Variants in AJM1 observed in about 807,000 individuals in gnomAD.
AJM1 encodes uncharacterized protein C9orf172.
AJM1 carries 22 observed loss-of-function variants against 43.0 expected under a neutral mutation model. The ratio of observed to expected loss-of-function variants is 0.51; its 90% CI spans 0.37 to 0.73. AJM1 has a LOEUF of 0.73. AJM1 is among the 30% of genes least tolerant of loss of function. AJM1 has a pLI of 0.00. For synonymous variants in AJM1, 719 were observed against 638.3 expected, an observed-to-expected ratio of 1.13 and a Z score of -1.91; for missense variants, 1,305 against 1,343.3, an observed-to-expected ratio of 0.97 and a Z score of 0.45.
At position 136,845,242 on chromosome 9, in the gene AJM1, G is replaced by A. The variant is rs1401953894; in HGVS notation, c.828G>A (p.Pro276=). ...ERRSLPFTTP[P]GPTQFFYTEE... ...GCAGTCTGCCCTTCACCACCCCGCC[G>A]GGCCCCACCCAGTTCTTCTATACAG... Residue 276 remains proline (P), a synonymous_variant, in exon 3 of 3, where the codon CCG becomes CCA. Transcript: ENST00000436881. 15 of 1,600,124 alleles carry A rather than the reference G, an allele frequency of 9.4e-6. No individual in the cohort carries two copies. The African/African-American group carries it at 1.1e-4, about 11-fold the overall frequency.
chr9:136,845,162 C>G lies in AJM1; in HGVS notation c.748C>G (p.Arg250Gly), dbSNP rs775674999. The G allele has an allele frequency of 5.0e-6, 8 of 1,585,856 alleles. No homozygotes were observed. In the South Asian group the frequency reaches 8.9e-5, roughly 18 times the overall value. Reference sequence around the variant, plus strand: ...CAGCGACTCATACTGTGCGGATCCCCGGGCGTTCTACTGCGACGGGCCCCT... The same window carrying G: ...CAGCGACTCATACTGTGCGGATCCCGGGGCGTTCTACTGCGACGGGCCCCT... ...TPSDSYCADP[R>G]AFYCDGPLPG... The change falls in exon 3 of 3, where the codon CGG becomes GGG. Residue 250 changes from arginine to glycine, a missense_variant. Physicochemically the swap from Arg to Gly is moderately radical, Grantham distance 125. This residue lies in a region of AJM1 where 653 missense variants were observed against 549.1 expected (regional missense o/e 1.19). Coordinates refer to ENST00000436881, the MANE Select transcript of AJM1 (RefSeq NM_001080482.5).
In AJM1 at chr9:136,846,637, T is replaced by G; in HGVS notation, c.2223T>G (p.Arg741=). Residue 741 remains arginine (R), a synonymous_variant, in exon 3 of 3, where the codon CGT becomes CGG. Transcript: ENST00000436881. The part of the protein sequence containing the change: ...PVHRAFSRIA[R]VGFLSRGRGV... ...ACCGCGCTTTCTCGCGCATCGCGCGTGTCGGCTTCCTGTCGCGCGGCCGCG... is the reference window on the plus strand; with the variant it reads ...ACCGCGCTTTCTCGCGCATCGCGCGGGTCGGCTTCCTGTCGCGCGGCCGCG... 6.3e-7 allele frequency: 1 copy of G among 1,597,576 alleles called. No homozygotes were observed. Among genetic ancestry groups the G allele is most frequent in the Non-Finnish European group, 8.5e-7 (1 of 1,177,278 alleles).
Position 136,846,296 on chromosome 9 carries a change from C to A in AJM1, c.1882C>A (p.Pro628Thr), listed in dbSNP as rs1371285375. ...GGGCTCCGGGGCCCCCGCGCTGGCGCCGCCACGCTCGCCCCCCGCCTCGGC... is the reference window on the plus strand; with the variant it reads ...GGGCTCCGGGGCCCCCGCGCTGGCGACGCCACGCTCGCCCCCCGCCTCGGC... ...PAGSGAPALA[P>T]PRSPPASAGS... The change falls in exon 3 of 3, where the codon CCG (proline) becomes ACG (threonine). Residue 628 changes from proline (P) to threonine (T), a missense_variant. Physicochemically the swap from Pro to Thr is conservative, Grantham distance 38. Transcript: ENST00000436881. 1 of 1,173,302 alleles carries A rather than the reference C, an allele frequency of 8.5e-7. No individual in the cohort carries two copies. Among genetic ancestry groups the A allele is most frequent in the Non-Finnish European group, 1.1e-6 (1 of 936,244 alleles). 72.7% of individuals were successfully genotyped at this position (1,173,302 alleles called of 1,614,324 possible).
In AJM1 at chr9:136,846,540, G is replaced by A. The variant is rs1276043391; in HGVS notation, c.2126G>A (p.Arg709His). ...RREDWDAHKA[R>H]CVYGRVGSVC... ...GAGGACTGGGACGCCCACAAGGCGC[G>A]CTGCGTGTACGGCCGCGTGGGCAGC... The change falls in exon 3 of 3, where the codon CGC (arginine) becomes CAC (histidine). Residue 709 changes from arginine to histidine, a missense_variant. By Grantham distance (29) the Arg-to-His change is conservative. Transcript: ENST00000436881. 3 of 1,595,384 alleles carry A rather than the reference G, an allele frequency of 1.9e-6. No individual in the cohort carries two copies. The highest frequency in any genetic ancestry group is 1.3e-5 in the African/African-American group (1 of 74,880).
In AJM1 at chr9:136,845,386, C is replaced by T. The variant is rs762603558; in HGVS notation, c.972C>T (p.Gly324=). The T allele has an allele frequency of 6.2e-7, 1 of 1,612,392 alleles. No homozygotes were observed. The highest frequency in any genetic ancestry group is 2.2e-5 in the East Asian group (1 of 44,868). ...CGGGGCCCAGTCCAAGGCGCATGGG[C>T]GGCTACTACGCAGGAGAGGTGCGCA... ...ELSGPSPRRM[G]GYYAGEVRTF... Residue 324 remains glycine (G), a synonymous_variant, in exon 3 of 3, where the codon GGC becomes GGT. Transcript: ENST00000436881.
Position 136,845,364 on chromosome 9 carries a change from G to C in AJM1, c.950G>C (p.Gly317Ala). ...PRPYPSEELSGPSPRRMGGYY... is the reference protein window; with the variant it reads ...PRPYPSEELSAPSPRRMGGYY... ...CCCTATCCGTCCGAGGAGCTCTCGGGGCCCAGTCCAAGGCGCATGGGCGGC... is the reference window on the plus strand; with the variant it reads ...CCCTATCCGTCCGAGGAGCTCTCGGCGCCCAGTCCAAGGCGCATGGGCGGC... Residue 317 changes from glycine (G) to alanine (A), a missense_variant, in exon 3 of 3, where the codon GGG becomes GCG. Physicochemically the swap from Gly to Ala is moderately conservative, Grantham distance 60. Around this residue, in one of 6 missense-constraint regions of AJM1, gnomAD observed 653 missense variants for 549.1 expected, o/e 1.19. Transcript: ENST00000436881. 6.2e-7 allele frequency: 1 copy of C among 1,612,372 alleles called. No homozygotes were observed. The highest frequency in any genetic ancestry group is 8.5e-7 in the Non-Finnish European group (1 of 1,179,814).
chr9:136,847,359 C>A lies in AJM1; in HGVS notation c.*14C>A. On this transcript the variant is annotated 3_prime_UTR_variant, in exon 3 of 3. Coordinates refer to ENST00000436881, the MANE Select transcript of AJM1 (RefSeq NM_001080482.5). ...GACATCATGTGAGGCGCCGGGCCCA[C>A]CAGGCCTAGCCCAGGCGCTGGCCCG... 6.7e-7 allele frequency: 1 copy of A among 1,490,726 alleles called. No individual in the cohort carries two copies. The highest frequency in any genetic ancestry group is 8.9e-7 in the Non-Finnish European group (1 of 1,121,788). The allele number at this position is 1,490,726 out of a possible 1,614,324, so 92.3% of individuals were successfully genotyped here. A position where few individuals can be genotyped will look rare whatever the true frequency, so the allele number is the denominator to read the frequency against.
chr9:136,846,925 A>T lies in AJM1; in HGVS notation c.2511A>T (p.Pro837=). 1 of 1,436,720 alleles carries T rather than the reference A, an allele frequency of 7.0e-7. No individual in the cohort carries two copies. Among genetic ancestry groups the T allele is most frequent in the Non-Finnish European group, 9.2e-7 (1 of 1,092,568 alleles). 89.0% of individuals were successfully genotyped at this position (1,436,720 alleles called of 1,614,324 possible). A position where few individuals can be genotyped will look rare whatever the true frequency, so the allele number is the denominator to read the frequency against. The change falls in exon 3 of 3, where the codon CCA becomes CCT. Residue 837 remains proline (P), a synonymous_variant. Transcript: ENST00000436881. ...PGTPALPAPA[P]RSHGPTVRKF... is the part of the protein sequence containing the mutation. ...CACCGGCCCTGCCCGCGCCCGCGCC[A>T]CGCAGCCACGGGCCAACAGTGCGCA...
In AJM1 at chr9:136,844,977, T is replaced by G; in HGVS notation, c.563T>G (p.Leu188Arg). 1 of 584,366 alleles carries G rather than the reference T, an allele frequency of 1.7e-6. No individual in the cohort carries two copies. The highest frequency in any genetic ancestry group is 3.0e-6 in the Non-Finnish European group (1 of 337,736). The allele number at this position is 584,366 out of a possible 1,614,324, so 36.2% of individuals were successfully genotyped here. A position where few individuals can be genotyped will look rare whatever the true frequency, so the allele number is the denominator to read the frequency against. ...CCCGCCCCCCACGTGCGCTGCCGCC[T>G]GGACATCAAGCCAGACGACGCAGTG... ...AGPAPHVRCR[L>R]DIKPDDAVLQ... The change falls in exon 3 of 3, where the codon CTG (leucine) becomes CGG (arginine). Residue 188 changes from leucine to arginine, a missense_variant. Transcript: ENST00000436881.
chr9:136,845,373 C>G lies in AJM1; in HGVS notation c.959C>G (p.Pro320Arg), dbSNP rs771419371. 2 of 1,612,330 alleles carry G rather than the reference C, an allele frequency of 1.2e-6. No individual in the cohort carries two copies. The highest frequency in any genetic ancestry group is 4.5e-5 in the East Asian group (2 of 44,882). ...TCCGAGGAGCTCTCGGGGCCCAGTC[C>G]AAGGCGCATGGGCGGCTACTACGCA... Reference protein sequence around the residue: ...YPSEELSGPSPRRMGGYYAGE... With the variant: ...YPSEELSGPSRRRMGGYYAGE... The change falls in exon 3 of 3, where the codon CCA becomes CGA. Residue 320 changes from proline to arginine, a missense_variant. Transcript: ENST00000436881.
intron 1 of AJM1, among the ~76,000 whole-genome samples, chr9:136,843,054 C>G (rs1226442720): frequency 6.7e-6 from 1 of 149,082 alleles, no homozygotes; most frequent in Non-Finnish European, 1.5e-5. Flanking sequence ...GCCTGGGACT[C>G]GTGGCCCTGA....
In AJM1 at chr9:136,847,253, G is replaced by A; in HGVS notation, c.2839G>A (p.Gly947Ser). Residue 947 changes from glycine (G) to serine (S), a missense_variant, in exon 3 of 3, where the codon GGC becomes AGC. Gly to Ser is a moderately conservative substitution (Grantham distance 56, BLOSUM62 0). Coordinates refer to ENST00000436881, the MANE Select transcript of AJM1 (RefSeq NM_001080482.5). ...TTIYPTDRRTGRPFMCMIMAA... is the reference protein window; with the variant it reads ...TTIYPTDRRTSRPFMCMIMAA... ...CATCTACCCCACGGACCGGCGCACCGGCCGCCCCTTCATGTGCATGATCAT... is the reference window on the plus strand; with the variant it reads ...CATCTACCCCACGGACCGGCGCACCAGCCGCCCCTTCATGTGCATGATCAT... 6.3e-7 allele frequency: 1 copy of A among 1,599,866 alleles called. No individual in the cohort carries two copies. The highest frequency in any genetic ancestry group is 8.5e-7 in the Non-Finnish European group (1 of 1,176,680).
Position 136,847,075 on chromosome 9 carries a change from C to A in AJM1, c.2661C>A (p.Asp887Glu). ...PPPGTAGLDQ[D>E]GEAGRRAREV... ...CGGGCACGGCGGGCCTGGATCAGGA[C>A]GGCGAGGCGGGCCGGCGCGCGCGCG... Residue 887 changes from aspartate to glutamate, a missense_variant, in exon 3 of 3, where the codon GAC becomes GAA. Transcript: ENST00000436881. 2 of 1,452,940 alleles carry A rather than the reference C, an allele frequency of 1.4e-6. No homozygotes were observed. Among genetic ancestry groups the A allele is most frequent in the South Asian group, 1.3e-5 (1 of 79,556 alleles). The allele number at this position is 1,452,940 out of a possible 1,614,324, so 90.0% of individuals were successfully genotyped here.
rs1300326965 is a variant in AJM1, at chr9:136,846,615, G to A, written c.2201G>A (p.Arg734His). 2 of 1,593,832 alleles carry A rather than the reference G, an allele frequency of 1.3e-6. No homozygotes were observed. Among genetic ancestry groups the A allele is most frequent in the Non-Finnish European group, 1.7e-6 (2 of 1,176,198 alleles). Residue 734 changes from arginine to histidine, a missense_variant, in exon 3 of 3, where the codon CGC (arginine) becomes CAC (histidine). By Grantham distance (29) the Arg-to-His change is conservative. Around this residue, in one of 6 missense-constraint regions of AJM1, gnomAD observed 391 missense variants for 507.5 expected, o/e 0.77. Transcript: ENST00000436881. ...TGCCGCGACAGCGGCCCGGTGCACC[G>A]CGCTTTCTCGCGCATCGCGCGTGTC... ...QFCRDSGPVHRAFSRIARVGF... is the reference protein window; with the variant it reads ...QFCRDSGPVHHAFSRIARVGF...
At position 136,847,545 on chromosome 9, in the gene AJM1, C is replaced by T. The variant is rs1029446530; in HGVS notation, c.*200C>T. The T allele has an allele frequency of 4.5e-5, 22 of 493,764 alleles. No individual in the cohort carries two copies. Among genetic ancestry groups the T allele is most frequent in the African/African-American group, 2.7e-4 (13 of 48,994 alleles). 30.6% of individuals were successfully genotyped at this position (493,764 alleles called of 1,614,324 possible). A position where few individuals can be genotyped will look rare whatever the true frequency, so the allele number is the denominator to read the frequency against. On this transcript the variant is annotated 3_prime_UTR_variant, in exon 3 of 3. Coordinates refer to ENST00000436881, the MANE Select transcript of AJM1 (RefSeq NM_001080482.5). ...CAGCTCCGCCCAGGCCCCCACCCCC[C>T]GGCCCTTCGTCCCCGTAGTGTTCCT... is the stretch of plus-strand genomic sequence containing the variant.
chr9:136,844,488 C>A lies in AJM1; in HGVS notation c.74C>A (p.Pro25His), dbSNP rs772787574. 10 of 1,611,100 alleles carry A rather than the reference C, an allele frequency of 6.2e-6. No individual in the cohort carries two copies. Among genetic ancestry groups the A allele is most frequent in the Non-Finnish European group, 8.5e-6 (10 of 1,179,166 alleles). The change falls in exon 3 of 3, where the codon CCC becomes CAC. Residue 25 changes from proline (P) to histidine (H), a missense_variant. By Grantham distance (77) the Pro-to-His change is moderately conservative. This residue lies in a region of AJM1 where 128 missense variants were observed against 120.6 expected (regional missense o/e 1.06). Transcript: ENST00000436881. Reference sequence around the variant, plus strand: ...GACATCAAGGTGGCGACCCCGGGACCCGCGTCCAAGTGCTCGCCATGTGAG... The same window carrying A: ...GACATCAAGGTGGCGACCCCGGGACACGCGTCCAAGTGCTCGCCATGTGAG... ...YQDIKVATPG[P>H]ASKCSPCERS... is the part of the protein sequence containing the mutation.
In AJM1 at chr9:136,845,885, C is replaced by T; in HGVS notation, c.1471C>T (p.Pro491Ser). ...CGTGTCCCCCGAAGGCCGGCGCCCGCCCGTCGTCGTGAACCTGTCCACCTC... is the reference window on the plus strand; with the variant it reads ...CGTGTCCCCCGAAGGCCGGCGCCCGTCCGTCGTCGTGAACCTGTCCACCTC... ...RGVSPEGRRP[P>S]VVVNLSTSPR... The change falls in exon 3 of 3, where the codon CCC becomes TCC. Residue 491 changes from proline to serine, a missense_variant. Pro to Ser is a moderately conservative substitution (Grantham distance 74). Transcript: ENST00000436881. 6.4e-7 allele frequency: 1 copy of T among 1,558,354 alleles called. No homozygotes were observed. The highest frequency in any genetic ancestry group is 8.7e-7 in the Non-Finnish European group (1 of 1,152,828).
rs753322469 is a variant in AJM1 at position 136,845,866 on chromosome 9, C to T, written c.1452C>T (p.Ser484=). Residue 484 remains serine, a synonymous_variant, in exon 3 of 3, where the codon TCC becomes TCT. Coordinates refer to ENST00000436881, the MANE Select transcript of AJM1 (RefSeq NM_001080482.5). ...GREVREPRGV[S]PEGRRPPVVV... Reference sequence around the variant, plus strand: ...AGGTGCGGGAGCCGCGAGGCGTGTCCCCCGAAGGCCGGCGCCCGCCCGTCG... The same window carrying T: ...AGGTGCGGGAGCCGCGAGGCGTGTCTCCCGAAGGCCGGCGCCCGCCCGTCG... The T allele has an allele frequency of 2.6e-6, 4 of 1,558,930 alleles. No individual in the cohort carries two copies. The highest frequency in any genetic ancestry group is 2.1e-4 in the Middle Eastern group (1 of 4,764).
Position 136,846,377 on chromosome 9 carries a change from C to A in AJM1, c.1963C>A (p.Pro655Thr), listed in dbSNP as rs1848775021. ...PGEAADASPE[P>T]SADEDDLMTC... Reference sequence around the variant, plus strand: ...AGAGGCGGCCGACGCGTCCCCCGAACCCAGCGCCGACGAGGACGACCTGAT... The same window carrying A: ...AGAGGCGGCCGACGCGTCCCCCGAAACCAGCGCCGACGAGGACGACCTGAT... Residue 655 changes from proline (P) to threonine (T), a missense_variant, in exon 3 of 3, where the codon CCC becomes ACC. Pro to Thr is a conservative substitution (Grantham distance 38). Transcript: ENST00000436881. 1 of 1,513,168 alleles carries A rather than the reference C, an allele frequency of 6.6e-7. No homozygotes were observed. The highest frequency in any genetic ancestry group is 8.8e-7 in the Non-Finnish European group (1 of 1,133,414). 93.7% of individuals were successfully genotyped at this position (1,513,168 alleles called of 1,614,324 possible).
Sources: allele counts gnomAD v4.1 joint callset (sites outside exome capture counted in the v4.1 genomes callset), GRCh38; gene constraint gnomAD v4.1.1; regional missense constraint gnomAD v4.1.1; transcripts MANE v1.5; gene names NCBI Gene and HGNC (gene_info 2026-07-23, HGNC 2026-07-21).